The following TMEM108 variants were observed in gnomAD, a reference collection of about 807,000 sequenced individuals.
TMEM108 encodes the protein cancer/testis antigen 124.
TMEM108 carries 12 observed loss-of-function variants against 35.1 expected under a neutral mutation model. That is an observed-to-expected ratio of 0.34 (90% CI 0.22 to 0.55). The LOEUF is 0.55. Among genes scored for constraint, TMEM108 ranks in the 20% least tolerant of loss-of-function variants. The probability of loss-of-function intolerance (pLI) is 0.89; values close to 1 mark genes in which losing one functional copy is unlikely to be tolerated. For missense variants in TMEM108, 680 were observed against 753.3 expected (o/e 0.90, Z 1.14); for synonymous variants, 287 against 308.6 (o/e 0.93, Z 0.73).
intron 1 of TMEM108, chr3:133,041,636 G>A (rs1285922527): frequency 1.3e-5 from 2 of 152,224 alleles, no homozygotes; most frequent in Non-Finnish European, 2.9e-5. Flanking sequence ...GTACATGTGC[G>A]TTTCTGAAGG....
chr3:133,253,629 C>T (rs896517815), intron 3 of TMEM108, among the ~76,000 whole-genome samples: 1 of 152,168 alleles, frequency 6.6e-6, no homozygotes, highest in South Asian at 2.1e-4. Context: ...AATTCTTTAA[C>T]TCTTTAGGTA....
intron 3 of TMEM108, among the ~76,000 whole-genome samples, chr3:133,342,613 C>A (rs2071699599): frequency 7.2e-6 from 1 of 139,150 alleles, no homozygotes; most frequent in Admixed American, 7.4e-5. Flanking sequence ...TTCATGGCAA[C>A]ACAAATAAGC....
intron 2 of TMEM108, among the ~76,000 whole-genome samples, chr3:133,178,094 T>A (rs1945266481): frequency 6.6e-6 from 1 of 152,122 alleles, no homozygotes; most frequent in South Asian, 2.1e-4. Context: ...TACCTAGGAA[T>A]CCACCTTCCA....
intron 3 of TMEM108, among the ~76,000 whole-genome samples, chr3:133,347,132 A>G (rs1025407648): frequency 3.9e-5 from 6 of 152,040 alleles, no homozygotes; most frequent in African/African-American, 1.4e-4. Context: ...TTGCCTTTCC[A>G]TATAAACTTT....
At chr3:133,338,658 C>T (rs530601666) in intron 3 of TMEM108, among the ~76,000 whole-genome samples, 9 of 152,106 alleles carry the variant, frequency 5.9e-5, no homozygotes, top group Admixed American at 4.6e-4. Flanking sequence ...AAACAGAATA[C>T]TGTAACACTA....
chr3:133,354,880 GT>G (rs2072114612), intron 3 of TMEM108, among the ~76,000 whole-genome samples: 1 of 95,700 alleles, frequency 1.0e-5, no homozygotes, highest in Non-Finnish European at 2.4e-5. Flanking sequence ...CTAAGCACAT[GT>G]TTAAAAAAAA....
At chr3:133,231,205 T>C (rs986713895) in intron 3 of TMEM108, among the ~76,000 whole-genome samples, 1 of 152,196 alleles carries the variant, frequency 6.6e-6, no homozygotes, top group African/African-American at 2.4e-5. Flanking sequence ...TTTATATAAC[T>C]CATATATTTT....
At chr3:133,260,582 A>G (rs1039092634) in intron 3 of TMEM108, among the ~76,000 whole-genome samples, 1 of 152,230 alleles carries the variant, frequency 6.6e-6, no homozygotes, top group African/African-American at 2.4e-5. Flanking sequence ...GAACCAGTGG[A>G]ATGAGATGAG....
chr3:133,371,637 A>AAC lies in TMEM108; in HGVS notation c.41-8114_41-8113insCA, dbSNP rs2072679511. Among the ~76,000 whole-genome samples, 8 of 146,238 alleles carry AAC rather than the reference A, an allele frequency of 5.5e-5. No individual in the cohort carries two copies. In the South Asian group the frequency reaches 1.7e-3, roughly 32 times the overall value. On this transcript the variant is annotated intron_variant, in intron 3 of 5. Transcript: ENST00000321871. ...ACAAAAAAAAAAAAAAAAAAAAAAAAAACCCACCCAGATTTAAAGGAAGGA... is the reference window on the plus strand; with the variant it reads ...ACAAAAAAAAAAAAAAAAAAAAAAAAACAACCCACCCAGATTTAAAGGAAGGA...
At chr3:133,329,963 AG>A (rs1427420779) in intron 3 of TMEM108, among the ~76,000 whole-genome samples, 1 of 152,206 alleles carries the variant, frequency 6.6e-6, no homozygotes, top group Admixed American at 6.5e-5. Flanking sequence ...GATGCAATAC[AG>A]GTTCTCCAAG....
chr3:133,283,000 A>G (rs1239665674), intron 3 of TMEM108, among the ~76,000 whole-genome samples: 1 of 152,232 alleles, frequency 6.6e-6, no homozygotes, highest in Non-Finnish European at 1.5e-5. Context: ...GTATGTGTGT[A>G]AACAAGAAAA....
chr3:133,265,143 T>C (rs763314232), intron 3 of TMEM108, among the ~76,000 whole-genome samples: 4 of 152,246 alleles, frequency 2.6e-5, no homozygotes, highest in Non-Finnish European at 4.4e-5. Flanking sequence ...AGATTACATA[T>C]ACCCAGATGG....
intron 2 of TMEM108, among the ~76,000 whole-genome samples, chr3:133,226,819 C>A (rs561502004): frequency 1.3e-5 from 2 of 151,962 alleles, no homozygotes; most frequent in African/African-American, 2.4e-5. Flanking sequence ...AAGACATACC[C>A]GCGACTGGGA....
chr3:133,312,453 C>T (rs2071143608), intron 3 of TMEM108, among the ~76,000 whole-genome samples: 1 of 152,250 alleles, frequency 6.6e-6, no homozygotes, highest in Non-Finnish European at 1.5e-5. Flanking sequence ...ACGCCTCTCC[C>T]CGCCACAAGG....
At chr3:133,203,555 T>C (rs1021749787) in intron 2 of TMEM108, among the ~76,000 whole-genome samples, 1 of 152,222 alleles carries the variant, frequency 6.6e-6, no homozygotes, top group Admixed American at 6.5e-5. Flanking sequence ...GAGATAATCA[T>C]GTGGTTTTTG....
At chr3:133,167,205 G>T (rs984514045) in intron 2 of TMEM108, among the ~76,000 whole-genome samples, 1 of 152,324 alleles carries the variant, frequency 6.6e-6, no homozygotes, top group South Asian at 2.1e-4. Context: ...GTGCTGATTG[G>T]TCTGTTTACA....
intron 3 of TMEM108, among the ~76,000 whole-genome samples, chr3:133,372,979 C>T (rs1305043810): frequency 2.0e-5 from 3 of 152,138 alleles, no homozygotes; most frequent in African/African-American, 2.4e-5. Context: ...AACCATGCTC[C>T]AAGGAATTAG....
intron 2 of TMEM108, among the ~76,000 whole-genome samples, chr3:133,106,444 A>C (rs774623454): frequency 1.4e-4 from 21 of 152,142 alleles, no homozygotes; most frequent in Non-Finnish European, 2.5e-4. Context: ...AGAGAACTGC[A>C]TGAGTGAAGA....
intron 2 of TMEM108, among the ~76,000 whole-genome samples, chr3:133,226,777 A>C (rs1271144019): frequency 2.0e-5 from 3 of 152,224 alleles, no homozygotes; most frequent in African/African-American, 7.2e-5. Context: ...AAAATACTGG[A>C]AGTGTATTAG....
Sources: allele counts gnomAD v4.1 joint callset (sites outside exome capture counted in the v4.1 genomes callset), GRCh38; gene constraint gnomAD v4.1.1; transcripts MANE v1.5; gene names NCBI Gene and HGNC (gene_info 2026-07-23, HGNC 2026-07-21).